Variants in ARHGEF7 observed in about 807,000 individuals in gnomAD.
The protein encoded by ARHGEF7 is Rho guanine nucleotide exchange factor 7.
A neutral mutation model predicts 109.8 loss-of-function variants in ARHGEF7; 33 were observed. The ratio of observed to expected loss-of-function variants is 0.30; its 90% confidence interval spans 0.23 to 0.40. The LOEUF is 0.40. ARHGEF7 is among the 10% of genes least tolerant of loss of function. The pLI is 1.00. For missense variants in ARHGEF7, 938 were observed against 1,098.5 expected, an observed-to-expected ratio of 0.85 and a Z score of 2.07; for synonymous variants, 458 against 424.6, an observed-to-expected ratio of 1.08 and a Z score of -0.97.
rs932341025 is a variant in ARHGEF7, at chr13:111,194,641, A to G, written c.253-10648A>G. ...AGGAGATCTAGAGTAGCCCACTGAC[A>G]TGAGGCTTCTGAACTGGTAGCCCAA... On this transcript the variant is annotated intron_variant, in intron 2 of 21. Transcript: ENST00000646102. 3.9e-5 allele frequency among the ~76,000 whole-genome samples: 6 copies of G among 152,338 alleles called. No homozygotes were observed. In the South Asian group the frequency reaches 6.2e-4, roughly 16 times the overall value.
intron 4 of ARHGEF7, among the ~76,000 whole-genome samples, chr13:111,215,553 C>T (rs72653522): frequency 0.024 from 3,620 of 152,130 alleles, 74 homozygotes; most frequent in Middle Eastern, 0.11. Flanking sequence ...CATGACGAGG[C>T]GAATAATATT....
chr13:111,133,342 A>G (rs1306135973), intron 1 of ARHGEF7, among the ~76,000 whole-genome samples: 2 of 152,146 alleles, frequency 1.3e-5, no homozygotes, highest in Non-Finnish European at 2.9e-5. Context: ...AGACATACAC[A>G]TGCACACACA....
At chr13:111,185,218 GT>G (rs1483792798) in intron 2 of ARHGEF7, 2 of 152,374 alleles carry the variant, frequency 1.3e-5, no homozygotes, top group Non-Finnish European at 2.9e-5. Context: ...TCGTGCTGAA[GT>G]CCTGAGGTGG....
At chr13:111,128,998 C>T (rs2074598581) in intron 1 of ARHGEF7, among the ~76,000 whole-genome samples, 1 of 152,134 alleles carries the variant, frequency 6.6e-6, no homozygotes, top group African/African-American at 2.4e-5. Flanking sequence ...GTCAGCACAA[C>T]GTTGCAATAA....
At chr13:111,136,666 A>G (rs930099561) in intron 1 of ARHGEF7, among the ~76,000 whole-genome samples, 1 of 152,252 alleles carries the variant, frequency 6.6e-6, no homozygotes, top group Non-Finnish European at 1.5e-5. Flanking sequence ...CTGACACCCT[A>G]ACATCACAAT....
At position 111,217,775 on chromosome 13, in the gene ARHGEF7, G is replaced by A. The variant is rs2083311755; in HGVS notation, c.565G>A (p.Val189Ile). The A allele has an allele frequency of 3.1e-6, 5 of 1,614,220 alleles. No homozygotes were observed. The highest frequency in any genetic ancestry group is 4.2e-6 in the Non-Finnish European group (5 of 1,180,028). Residue 189 changes from valine to isoleucine, a missense_variant, in exon 5 of 22, where the codon GTC becomes ATC. By Grantham distance (29) the Val-to-Ile change is conservative. This residue lies in a region of ARHGEF7 where 585 missense variants were observed against 723.6 expected (regional missense o/e 0.81). Transcript: ENST00000646102. ...CGAGCTTTCCTTCTCAAAAGGAGAC[G>A]TCATCCATGTCACCCGTGTGGAAGA... Reference protein sequence around the residue: ...EDELSFSKGDVIHVTRVEEGG... With the variant: ...EDELSFSKGDIIHVTRVEEGG...
chr13:111,300,662 A>T, intron 19 of ARHGEF7, 86 bp from the exon 20 acceptor site: 1 of 881,458 alleles, frequency 1.1e-6, no homozygotes, highest in Non-Finnish European at 1.7e-6. Context: ...CTTAATATTT[A>T]AGTGACATGG....
chr13:111,146,765 G>A (rs1485771095), intron 1 of ARHGEF7, among the ~76,000 whole-genome samples: 2 of 152,150 alleles, frequency 1.3e-5, no homozygotes, highest in East Asian at 1.9e-4. Flanking sequence ...GATTGTTCCT[G>A]CCCTGGAGTA....
chr13:111,286,031 T>G, intron 16 of ARHGEF7, 116 bp from the exon 17 acceptor site: 1 of 718,390 alleles, frequency 1.4e-6, no homozygotes, highest in Non-Finnish European at 2.4e-6. Flanking sequence ...GGCGAGAAGC[T>G]CTTATCAGTG....
chr13:111,218,401 A>G lies in ARHGEF7; in HGVS notation c.670+521A>G, dbSNP rs1167910033. Among the ~76,000 whole-genome samples the G allele has an allele frequency of 3.9e-5, 6 of 152,118 alleles. No individual in the cohort carries two copies. The East Asian group carries it at 9.6e-4, about 24-fold the overall frequency. On this transcript the variant is annotated intron_variant, in intron 5 of 21. Coordinates refer to ENST00000646102, the MANE Select transcript of ARHGEF7 (RefSeq NM_001354046.2). ...ATTTTGAGGCTTGTGTTCTTATGAA[A>G]GAATAGTGATCCTCGGCACATGGCT...
At chr13:111,130,945 C>T (rs1050281261) in intron 1 of ARHGEF7, among the ~76,000 whole-genome samples, 14 of 152,138 alleles carry the variant, frequency 9.2e-5, no homozygotes, top group Non-Finnish European at 5.9e-5. Context: ...CGAGGAAAGG[C>T]CTGGATGGGT....
chr13:111,148,976 A>G (rs2075753474), intron 1 of ARHGEF7, among the ~76,000 whole-genome samples: 1 of 152,212 alleles, frequency 6.6e-6, no homozygotes, highest in East Asian at 1.9e-4. Context: ...TTTGTGAACA[A>G]AGTTTTTCCG....
At chr13:111,127,033 G>A (rs2067607163) in intron 1 of ARHGEF7, among the ~76,000 whole-genome samples, 1 of 152,142 alleles carries the variant, frequency 6.6e-6, no homozygotes, top group African/African-American at 2.4e-5. Flanking sequence ...ACCTGTTTGT[G>A]GACTGATTAG....
intron 13 of ARHGEF7, among the ~76,000 whole-genome samples, chr13:111,279,657 G>A (rs1310484891): frequency 5.3e-5 from 8 of 152,200 alleles, no homozygotes; most frequent in African/African-American, 1.9e-4. Flanking sequence ...TGATCACTTT[G>A]TACCCCCTTT....
rs2090307904 is a variant in ARHGEF7, at chr13:111,255,440, G to A, written c.950+11146G>A. Among the ~76,000 whole-genome samples, 1 of 152,182 alleles carries A rather than the reference G, an allele frequency of 6.6e-6. No individual in the cohort carries two copies. The highest frequency in any genetic ancestry group is 2.4e-5 in the African/African-American group (1 of 41,438). ...CCCAGTGTCCTCATCTATAAAGCAGGGGTGCTGGTGTCACCCACCCAGAGT... is the reference window on the plus strand; with the variant it reads ...CCCAGTGTCCTCATCTATAAAGCAGAGGTGCTGGTGTCACCCACCCAGAGT... On this transcript the variant is annotated intron_variant, in intron 8 of 21. Transcript: ENST00000646102. This position sits in a 1 kb window ranked among gnomAD's most constrained non-coding sequence, Gnocchi z 4.1.
At chr13:111,241,975 G>T (rs1482606519) in intron 6 of ARHGEF7, among the ~76,000 whole-genome samples, 6 of 152,152 alleles carry the variant, frequency 3.9e-5, no homozygotes, top group Non-Finnish European at 8.8e-5. Flanking sequence ...GCCTGGTTTC[G>T]AGTAGCGTCT....
chr13:111,174,914 C>T (rs1045296927), intron 2 of ARHGEF7, among the ~76,000 whole-genome samples: 1 of 152,202 alleles, frequency 6.6e-6, no homozygotes, highest in Non-Finnish European at 1.5e-5. Context: ...TGTGCTTGTG[C>T]GTGTCGGGTG....
At chr13:111,192,209 T>G (rs1417508755) in intron 2 of ARHGEF7, among the ~76,000 whole-genome samples, 1 of 152,130 alleles carries the variant, frequency 6.6e-6, no homozygotes, top group East Asian at 1.9e-4. Context: ...GTGTCCAAAA[T>G]TTAACTCGGG....
intron 2 of ARHGEF7, among the ~76,000 whole-genome samples, chr13:111,154,487 C>T (rs1357626931): frequency 2.0e-5 from 3 of 152,198 alleles, no homozygotes; most frequent in Non-Finnish European, 4.4e-5. Flanking sequence ...AGCCGCACTC[C>T]TTTCTCTGCT....
Sources: allele counts gnomAD v4.1 joint callset (sites outside exome capture counted in the v4.1 genomes callset), GRCh38; gene constraint gnomAD v4.1.1; regional missense constraint gnomAD v4.1.1; non-coding constraint Gnocchi (gnomAD v3.1); transcripts MANE v1.5; gene names NCBI Gene and HGNC (gene_info 2026-07-23, HGNC 2026-07-21).